Variants in LRRC28 observed in about 807,000 individuals in gnomAD.
LRRC28 encodes the protein leucine-rich repeat-containing protein 28.
LRRC28 carries 39 observed loss-of-function variants against 45.7 expected under a neutral mutation model. The ratio of observed to expected loss-of-function variants is 0.85; its 90% CI spans 0.66 to 1.12. The LOEUF (loss-of-function observed/expected upper bound fraction) is 1.12, where lower values mean the gene tolerates loss of function less well. LRRC28 is among the 50% of genes most tolerant of loss of function. LRRC28 has a pLI of 0.00. For synonymous variants in LRRC28, 206 were observed against 178.8 expected, an observed-to-expected ratio of 1.15 and a Z score of -1.22; for missense variants, 435 against 438.5, an observed-to-expected ratio of 0.99 and a Z score of 0.07.
chr15:99,328,869 T>C (rs1367373201), intron 5 of LRRC28, among the ~76,000 whole-genome samples: 1 of 151,346 alleles, frequency 6.6e-6, no homozygotes, highest in Non-Finnish European at 1.5e-5. Flanking sequence ...AAACTGAGAG[T>C]TGCATCATTG....
At chr15:99,253,408 A>C (rs2080923564) in intron 1 of LRRC28, among the ~76,000 whole-genome samples, 1 of 152,192 alleles carries the variant, frequency 6.6e-6, no homozygotes, top group African/African-American at 2.4e-5. Context: ...GGCGTGAGCC[A>C]CTGCGCCCGG....
intron 9 of LRRC28, among the ~76,000 whole-genome samples, chr15:99,363,820 T>TA (rs925113076): frequency 9.2e-5 from 14 of 152,182 alleles, no homozygotes; most frequent in Non-Finnish European, 2.9e-5. Flanking sequence ...AGTTCTACTT[T>TA]AAAAAAAGGA....
chr15:99,366,652 T>C (rs1957348780), intron 9 of LRRC28, among the ~76,000 whole-genome samples: 1 of 152,116 alleles, frequency 6.6e-6, no homozygotes, highest in African/African-American at 2.4e-5. Flanking sequence ...GCACAAATCC[T>C]ATCATGAGGA....
At position 99,302,483 on chromosome 15, in the gene LRRC28, G is replaced by A. The variant is rs574749355; in HGVS notation, c.385+14532G>A. The stretch of plus-strand genomic sequence containing the variant: ...GGCTCACTGCAACCTCTGCCTCCCC[G>A]GTTCAAGCAATTCTCCTGCCTCAGC... On this transcript the variant is annotated intron_variant, in intron 5 of 9. Coordinates refer to ENST00000301981, the MANE Select transcript of LRRC28 (RefSeq NM_144598.5). Among the ~76,000 whole-genome samples the A allele has an allele frequency of 1.1e-3, 163 of 152,060 alleles. No individual in the cohort carries two copies. In the Middle Eastern group the frequency reaches 0.017, roughly 16 times the overall value.
intron 9 of LRRC28, among the ~76,000 whole-genome samples, chr15:99,377,895 G>T (rs1318263348): frequency 2.0e-5 from 3 of 152,110 alleles, no homozygotes; most frequent in Non-Finnish European, 2.9e-5. Context: ...CTGTTCCATT[G>T]GTCTATAGCT....
chr15:99,349,955 T>C (rs1956819926), intron 6 of LRRC28, among the ~76,000 whole-genome samples: 1 of 151,262 alleles, frequency 6.6e-6, no homozygotes, highest in African/African-American at 2.4e-5. Flanking sequence ...GCTAACAAGG[T>C]GAAACCCCGT....
At chr15:99,258,541 A>T in intron 2 of LRRC28, 1 of 742,754 alleles carries the variant, frequency 1.3e-6, no homozygotes. Flanking sequence ...GAATCTTATG[A>T]TGAAGCTGCA....
At chr15:99,266,851 T>C (rs191501763) in intron 2 of LRRC28, among the ~76,000 whole-genome samples, 68 of 152,346 alleles carry the variant, frequency 4.5e-4, no homozygotes, top group African/African-American at 1.6e-3. Flanking sequence ...AATCCTGTGA[T>C]GTAGGCACTA....
In LRRC28 at chr15:99,320,694, T is replaced by C. The variant is rs543085704; in HGVS notation, c.386-13229T>C. ...CCTTCAGACTTACTGGATCATGATG[T>C]GAACCAAAATCAAACTATTTCTGGC... is the stretch of plus-strand genomic sequence containing the variant. On this transcript the variant is annotated intron_variant, in intron 5 of 9. Coordinates refer to ENST00000301981, the MANE Select transcript of LRRC28 (RefSeq NM_144598.5). 105 of 152,320 alleles carry C rather than the reference T, an allele frequency of 6.9e-4. 1 individual carries two copies. Among genetic ancestry groups the C allele is most frequent in the African/African-American group, 2.5e-3 (104 of 41,570 alleles). The allele number at this position is 152,320 out of a possible 1,614,324, so 9.4% of individuals were successfully genotyped here.
At chr15:99,379,790 C>T (rs561192592) in intron 9 of LRRC28, among the ~76,000 whole-genome samples, 43 of 152,272 alleles carry the variant, frequency 2.8e-4, no homozygotes, top group African/African-American at 9.9e-4. Flanking sequence ...GCCTTCATTT[C>T]GTTATGTACC....
intron 3 of LRRC28, among the ~76,000 whole-genome samples, chr15:99,284,363 AT>A (rs1387228634): frequency 1.3e-5 from 2 of 151,932 alleles, no homozygotes; most frequent in Admixed American, 6.6e-5. Flanking sequence ...AAAAAAAAAA[AT>A]CTACATTAAA....
chr15:99,285,890 G>A (rs2081946299), intron 3 of LRRC28: 3 of 288,512 alleles, frequency 1.0e-5, no homozygotes, highest in South Asian at 3.5e-5. Context: ...TATACAGAAA[G>A]CAAGGAATGA....
chr15:99,303,912 C>T (rs1046699617), intron 5 of LRRC28, among the ~76,000 whole-genome samples: 1 of 151,942 alleles, frequency 6.6e-6, no homozygotes, highest in Non-Finnish European at 1.5e-5. Flanking sequence ...CATTGTCCCC[C>T]CCACTGGATG....
At chr15:99,321,072 C>T (rs930027155) in intron 5 of LRRC28, among the ~76,000 whole-genome samples, 1 of 152,134 alleles carries the variant, frequency 6.6e-6, no homozygotes, top group Non-Finnish European at 1.5e-5. Flanking sequence ...TTTAGACTTG[C>T]CTTCAGAGTT....
rs1179706785 is a variant in LRRC28 at position 99,390,406 on chromosome 15, T to G, written c.*4304T>G. ...ATTTCTGTATGTAATTAAGAGACTT[T>G]CAAGGGTTAGCCAGACTTTTTTCCA... On this transcript the variant is annotated 3_prime_UTR_variant, in exon 10 of 10. Coordinates refer to ENST00000301981, the MANE Select transcript of LRRC28 (RefSeq NM_144598.5). The G allele has an allele frequency of 7.5e-6, 1 of 134,196 alleles. No homozygotes were observed. The highest frequency in any genetic ancestry group is 3.5e-5 in the African/African-American group (1 of 28,414). The allele number at this position is 134,196 out of a possible 1,614,324, so 8.3% of individuals were successfully genotyped here. A position where few individuals can be genotyped will look rare whatever the true frequency, so the allele number is the denominator to read the frequency against.
In LRRC28 at chr15:99,387,599, G is replaced by T. The variant is rs1958064548; in HGVS notation, c.*1497G>T. ...GCCAGAAAGAACTCTTCATGAAGAAGTCACGTATTTGCTCTTCCTTTCAAA... is the reference window on the plus strand; with the variant it reads ...GCCAGAAAGAACTCTTCATGAAGAATTCACGTATTTGCTCTTCCTTTCAAA... On this transcript the variant is annotated 3_prime_UTR_variant, in exon 10 of 10. Transcript: ENST00000301981. 6.6e-6 allele frequency: 1 copy of T among 152,184 alleles called. No homozygotes were observed. The highest frequency in any genetic ancestry group is 2.4e-5 in the African/African-American group (1 of 41,448). The allele number at this position is 152,184 out of a possible 1,614,324, so 9.4% of individuals were successfully genotyped here. A position where few individuals can be genotyped will look rare whatever the true frequency, so the allele number is the denominator to read the frequency against.
chr15:99,292,738 A>G (rs925957644), intron 5 of LRRC28, among the ~76,000 whole-genome samples: 1 of 152,192 alleles, frequency 6.6e-6, no homozygotes, highest in African/African-American at 2.4e-5. Flanking sequence ...TCAAAGTTAG[A>G]CTGATTTTTC....
Position 99,387,211 on chromosome 15 carries a change from C to A in LRRC28, c.*1109C>A, listed in dbSNP as rs539857012. 6.9e-6 allele frequency: 1 copy of A among 145,864 alleles called. No individual in the cohort carries two copies. The highest frequency in any genetic ancestry group is 2.1e-4 in the East Asian group (1 of 4,874). The allele number at this position is 145,864 out of a possible 1,614,324, so 9.0% of individuals were successfully genotyped here. ...AAGTAGCTGGGACCACAGGCGCCCGCCACCACGCCCGGCTAATTTTTTGTA... is the reference window on the plus strand; with the variant it reads ...AAGTAGCTGGGACCACAGGCGCCCGACACCACGCCCGGCTAATTTTTTGTA... On this transcript the variant is annotated 3_prime_UTR_variant, in exon 10 of 10. Transcript: ENST00000301981.
At chr15:99,341,250 A>T (rs3851679) in intron 6 of LRRC28, among the ~76,000 whole-genome samples, 1 of 151,362 alleles carries the variant, frequency 6.6e-6, no homozygotes, top group Non-Finnish European at 1.5e-5. Flanking sequence ...ACTGCCATGG[A>T]TGGCTAATTT....
Sources: allele counts gnomAD v4.1 joint callset (sites outside exome capture counted in the v4.1 genomes callset), GRCh38; gene constraint gnomAD v4.1.1; transcripts MANE v1.5; gene names NCBI Gene and HGNC (gene_info 2026-07-23, HGNC 2026-07-21).